TDRD3: variants seen among roughly 807,000 people sequenced by gnomAD.
TDRD3 encodes the protein tudor domain containing 3.
TDRD3 carries 45 observed loss-of-function variants against 86.7 expected under a neutral mutation model. The ratio of observed to expected loss-of-function variants is 0.52; its 90% CI spans 0.41 to 0.67. TDRD3 has a LOEUF of 0.67. TDRD3 is among the 30% of genes least tolerant of loss of function. The pLI is 0.00. For synonymous variants in TDRD3, 298 were observed against 301.7 expected (o/e 0.99, Z 0.13); for missense variants, 814 against 889.0 (o/e 0.92, Z 1.07).
At position 60,526,482 on chromosome 13, in the gene TDRD3, C is replaced by G. The variant is rs188160857; in HGVS notation, c.1142-1885C>G. ...GCTATTCTTCCCGAAATCTTTACTC[C>G]TGGGCAGTAAACAATGCCAGCAGAA... is the stretch of plus-strand genomic sequence containing the variant. On this transcript the variant is annotated intron_variant, in intron 10 of 13. Coordinates refer to ENST00000377881, the MANE Select transcript of TDRD3 (RefSeq NM_001146070.2). Among the ~76,000 whole-genome samples the G allele has an allele frequency of 3.3e-5, 5 of 152,198 alleles. No homozygotes were observed. The East Asian group carries it at 9.7e-4, about 29-fold the overall frequency.
chr13:60,496,343 A>ATATATATC (rs1339973715), intron 8 of TDRD3, among the ~76,000 whole-genome samples: 32 of 91,566 alleles, frequency 3.5e-4, no homozygotes, highest in Non-Finnish European at 5.6e-4. Context: ...ATATATATAT[A>ATATATATC]TCCTCTAAAG....
chr13:60,531,604 A>T (rs1256389032), intron 11 of TDRD3, among the ~76,000 whole-genome samples: 1 of 152,220 alleles, frequency 6.6e-6, no homozygotes, highest in Non-Finnish European at 1.5e-5. Flanking sequence ...CAGGCTTTCC[A>T]TTGAAATCCC....
intron 12 of TDRD3, among the ~76,000 whole-genome samples, chr13:60,559,076 A>G (rs1477082790): frequency 6.6e-6 from 1 of 151,806 alleles, no homozygotes; most frequent in African/African-American, 2.4e-5. Flanking sequence ...GAAGTAGGTA[A>G]ACAAACTCAT....
At chr13:60,407,999 TG>T (rs1223753741) in intron 1 of TDRD3, among the ~76,000 whole-genome samples, 1 of 152,222 alleles carries the variant, frequency 6.6e-6, no homozygotes, top group Non-Finnish European at 1.5e-5. Context: ...TTTCCGCTTT[TG>T]TTTCTTCCTC....
Position 60,513,599 on chromosome 13 carries a change from ATGT to A in TDRD3, c.1141+2848_1141+2850del, listed in dbSNP as rs1432362446. On this transcript the variant is annotated intron_variant, in intron 10 of 13. Transcript: ENST00000377881. ...CCCAAATCTCATCTTGAATTCCCAC[ATGT>A]TGTGGGAGGCACTCGGTGAGAGGTA... Among the ~76,000 whole-genome samples, 9 of 152,128 alleles carry A rather than the reference ATGT, an allele frequency of 5.9e-5. No homozygotes were observed. In the East Asian group the frequency reaches 1.7e-3, roughly 30 times the overall value.
chr13:60,567,085 TTC>T (rs1450716572), intron 12 of TDRD3, among the ~76,000 whole-genome samples: 3 of 152,210 alleles, frequency 2.0e-5, no homozygotes, highest in Non-Finnish European at 4.4e-5. Context: ...TCAACCCCTT[TTC>T]TTTATTCTAC....
chr13:60,487,690 G>C (rs1956477115), intron 7 of TDRD3, among the ~76,000 whole-genome samples: 1 of 152,094 alleles, frequency 6.6e-6, no homozygotes, highest in Non-Finnish European at 1.5e-5. Flanking sequence ...GGGCACTTAG[G>C]TTGATTTCAT....
chr13:60,471,235 G>A (rs1407905072), intron 5 of TDRD3, among the ~76,000 whole-genome samples: 3 of 152,066 alleles, frequency 2.0e-5, no homozygotes, highest in Non-Finnish European at 4.4e-5. Context: ...ATTAGTAAAG[G>A]GTCCAAATTC....
At chr13:60,537,081 T>C (rs540898238) in intron 12 of TDRD3, 3 of 152,252 alleles carry the variant, frequency 2.0e-5, no homozygotes, top group African/African-American at 7.2e-5. Flanking sequence ...ACCTATTTTC[T>C]TTCTCTGCAG....
rs111433030 is a variant in TDRD3, at chr13:60,420,836, C to T, written c.42-18852C>T. 3.5e-3 allele frequency among the ~76,000 whole-genome samples: 525 copies of T among 152,044 alleles called. 4 individuals carry two copies. Among genetic ancestry groups the T allele is most frequent in the African/African-American group, 0.012 (495 of 41,470 alleles). On this transcript the variant is annotated intron_variant, in intron 1 of 13. Coordinates refer to ENST00000377881, the MANE Select transcript of TDRD3 (RefSeq NM_001146070.2). ...GCGGGCGCCTGTAGTCCCAGCTACTCGGGAGGCTGAGGCAGGAAAATGGCA... is the reference window on the plus strand; with the variant it reads ...GCGGGCGCCTGTAGTCCCAGCTACTTGGGAGGCTGAGGCAGGAAAATGGCA...
At chr13:60,545,806 G>T (rs1434360148) in intron 12 of TDRD3, among the ~76,000 whole-genome samples, 1 of 152,074 alleles carries the variant, frequency 6.6e-6, no homozygotes. Flanking sequence ...ATATCAAGGG[G>T]TTGAGAGTAT....
intron 12 of TDRD3, among the ~76,000 whole-genome samples, chr13:60,560,255 A>G (rs560839857): frequency 1.6e-4 from 25 of 152,262 alleles, no homozygotes; most frequent in Admixed American, 3.3e-4. Context: ...TGGTGAGATT[A>G]ATTCAAAGCC....
chr13:60,552,633 T>A (rs1370758525), intron 12 of TDRD3, among the ~76,000 whole-genome samples: 1 of 152,226 alleles, frequency 6.6e-6, no homozygotes, highest in Non-Finnish European at 1.5e-5. Flanking sequence ...AGCCCCACAT[T>A]TCCCCTCTGA....
At chr13:60,443,542 T>TA (rs1292835791) in intron 2 of TDRD3, among the ~76,000 whole-genome samples, 1 of 151,936 alleles carries the variant, frequency 6.6e-6, no homozygotes, top group Non-Finnish European at 1.5e-5. Flanking sequence ...TTATACAACT[T>TA]ATATTCTCAT....
At chr13:60,402,795 T>G (rs942902086) in intron 1 of TDRD3, among the ~76,000 whole-genome samples, 1 of 151,254 alleles carries the variant, frequency 6.6e-6, no homozygotes, top group Admixed American at 6.6e-5. Context: ...CCTCCCAGGT[T>G]CTCCTGCCTC....
At chr13:60,526,402 A>C (rs1692197248) in intron 10 of TDRD3, among the ~76,000 whole-genome samples, 2 of 152,186 alleles carry the variant, frequency 1.3e-5, no homozygotes, top group African/African-American at 4.8e-5. Flanking sequence ...CTGGAACAAA[A>C]GCCAATATAT....
chr13:60,444,593 C>A, intron 2 of TDRD3, 90 bp from the exon 3 acceptor site: 1 of 769,380 alleles, frequency 1.3e-6, no homozygotes, highest in Non-Finnish European at 2.0e-6. Context: ...GTTTCACAAA[C>A]CATAAGTAAT....
chr13:60,556,865 A>G (rs189037868), intron 12 of TDRD3, among the ~76,000 whole-genome samples: 36 of 152,314 alleles, frequency 2.4e-4, no homozygotes, highest in African/African-American at 8.4e-4. Flanking sequence ...ATTTTTAAAT[A>G]ATATCTTTCA....
intron 1 of TDRD3, among the ~76,000 whole-genome samples, chr13:60,398,728 C>G (rs905811547): frequency 2.1e-4 from 32 of 152,230 alleles, no homozygotes; most frequent in African/African-American, 7.5e-4. Flanking sequence ...GGGCCTGGCT[C>G]TGGGCCTGGT....
Sources: allele counts gnomAD v4.1 joint callset (sites outside exome capture counted in the v4.1 genomes callset), GRCh38; gene constraint gnomAD v4.1.1; transcripts MANE v1.5; gene names NCBI Gene and HGNC (gene_info 2026-07-23, HGNC 2026-07-21).